Variants in MRM1 observed in about 807,000 individuals in gnomAD.
MRM1 encodes the protein mitochondrial rRNA methyltransferase 1.
A neutral mutation model predicts 25.0 loss-of-function variants in MRM1; 24 were observed. That is an observed-to-expected ratio of 0.96 (90% CI 0.69 to 1.35). The LOEUF (loss-of-function observed/expected upper bound fraction) is 1.35, where lower values mean the gene tolerates loss of function less well. Ranked by LOEUF, MRM1 falls within the 40% of genes most tolerant of loss-of-function variation. MRM1 has a pLI of 0.00. For synonymous variants in MRM1, 188 were observed against 199.2 expected, an observed-to-expected ratio of 0.94 and a Z score of 0.47; for missense variants, 431 against 464.1, an observed-to-expected ratio of 0.93 and a Z score of 0.65.
chr17:36,608,638 G>A lies in MRM1; in HGVS notation c.*223G>A. On this transcript the variant is annotated 3_prime_UTR_variant, in exon 5 of 5. Transcript: ENST00000614766. ...GACATGGTGATTTGTTAATTTCCAT[G>A]GGAAGCCATGATGGCCTAGCATGGA... 2.5e-6 allele frequency: 1 copy of A among 404,830 alleles called. No homozygotes were observed. The highest frequency in any genetic ancestry group is 4.3e-6 in the Non-Finnish European group (1 of 230,442). The allele number at this position is 404,830 out of a possible 1,614,324, so 25.1% of individuals were successfully genotyped here. A position where few individuals can be genotyped will look rare whatever the true frequency, so the allele number is the denominator to read the frequency against.
chr17:36,611,920 T>C (rs2074978800), downstream of MRM1, among the ~76,000 whole-genome samples: 1 of 151,636 alleles, frequency 6.6e-6, no homozygotes. Flanking sequence ...CATCATTGCA[T>C]GAGCCAATGC....
At chr17:36,627,967 C>T in the MRM1 span, among the ~76,000 whole-genome samples, 2 of 152,108 alleles carry the variant, frequency 1.3e-5, no homozygotes, top group Non-Finnish European at 2.9e-5. Context: ...TGAGCCACTG[C>T]GCCCAGCCTG....
the MRM1 span, among the ~76,000 whole-genome samples, chr17:36,619,497 A>T: frequency 6.6e-6 from 1 of 152,022 alleles, no homozygotes; most frequent in Admixed American, 6.6e-5. Flanking sequence ...GCAAAACCCC[A>T]TCTCTACTAA....
the MRM1 span, among the ~76,000 whole-genome samples, chr17:36,631,297 T>C: frequency 6.6e-6 from 1 of 152,224 alleles, no homozygotes. Context: ...AGATAATGCA[T>C]GGGAGCACAG....
rs200073578 is a variant in MRM1 at position 36,602,573 on chromosome 17, T to C, written c.563T>C (p.Val188Ala). Residue 188 changes from valine to alanine, a missense_variant, in exon 2 of 5, where the codon GTC (valine) becomes GCC (alanine). Val to Ala is a moderately conservative substitution (Grantham distance 64, BLOSUM62 0). Coordinates refer to ENST00000614766, the MANE Select transcript of MRM1 (RefSeq NM_024864.5). The surrounding 1 kb of genome is among the most constrained non-coding windows in gnomAD (Gnocchi z 4.1). ...TGCAGCTGCCCGCTCACTCCAGTAG[T>C]CAGCAAGTCCAGCGCGGGGGCTATG... ...RRNSCPLTPV[V>A]SKSSAGAMEV... The C allele has an allele frequency of 6.2e-7, 1 of 1,614,126 alleles. No individual in the cohort carries two copies. The highest frequency in any genetic ancestry group is 2.2e-5 in the East Asian group (1 of 44,872).
At chr17:36,613,477 C>G (rs1254913444), downstream of MRM1, among the ~76,000 whole-genome samples, 1 of 152,212 alleles carries the variant, frequency 6.6e-6, no homozygotes. Context: ...AGGCAGGGGT[C>G]TTCCCTGCAA....
chr17:36,611,433 G>A (rs1253323247), downstream of MRM1, among the ~76,000 whole-genome samples: 2 of 152,144 alleles, frequency 1.3e-5, no homozygotes, highest in Non-Finnish European at 2.9e-5. Context: ...GAGAGTATCG[G>A]TAAAAGATGT....
the MRM1 span, among the ~76,000 whole-genome samples, chr17:36,621,742 G>C: frequency 1.3e-5 from 2 of 152,184 alleles, no homozygotes; most frequent in Non-Finnish European, 2.9e-5. Flanking sequence ...GGGTGTCAGG[G>C]TTGGCAGGTG....
At chr17:36,621,517 T>C in the MRM1 span, among the ~76,000 whole-genome samples, 6 of 152,302 alleles carry the variant, frequency 3.9e-5, no homozygotes, top group Middle Eastern at 3.4e-3. Context: ...CTCTCAGCCC[T>C]GCACCTTGTG....
chr17:36,604,208 G>A (rs1028646824), intron 2 of MRM1, among the ~76,000 whole-genome samples: 7 of 152,076 alleles, frequency 4.6e-5, no homozygotes, highest in Non-Finnish European at 8.8e-5. Context: ...CCCCTCTCAC[G>A]CTCTTGATCT....
In MRM1 at chr17:36,601,689, G is replaced by A; in HGVS notation, c.-122G>A. On this transcript the variant is annotated 5_prime_UTR_variant, in exon 1 of 5. Transcript: ENST00000614766. ...TGTTTGTTCCTGTCCGAGAGAGCTC[G>A]GCGGAGACGGCTGTCGAGTACCCTT... 2.8e-6 allele frequency: 3 copies of A among 1,071,852 alleles called. No individual in the cohort carries two copies. The highest frequency in any genetic ancestry group is 3.9e-6 in the Non-Finnish European group (3 of 770,072). 66.4% of individuals were successfully genotyped at this position (1,071,852 alleles called of 1,614,324 possible).
chr17:36,611,759 G>C (rs2074977800), downstream of MRM1, among the ~76,000 whole-genome samples: 1 of 152,082 alleles, frequency 6.6e-6, no homozygotes, highest in South Asian at 2.1e-4. Context: ...AGCTCTTCCT[G>C]GATCTCAAGC....
the MRM1 span, among the ~76,000 whole-genome samples, chr17:36,615,478 G>A: frequency 2.0e-5 from 3 of 151,834 alleles, no homozygotes; most frequent in African/African-American, 7.3e-5. Context: ...GACCAACATG[G>A]AGAAACCCCA....
At position 36,601,777 on chromosome 17, in the gene MRM1, C is replaced by A; in HGVS notation, c.-34C>A. On this transcript the variant is annotated 5_prime_UTR_variant, in exon 1 of 5. Transcript: ENST00000614766. ...CGGGTTACCGCTCCCGGGGACGCAG[C>A]AAGGGGCATCGAGTCCCTGGCGGGA... The A allele has an allele frequency of 6.6e-7, 1 of 1,515,148 alleles. No individual in the cohort carries two copies. Among genetic ancestry groups the A allele is most frequent in the Non-Finnish European group, 8.8e-7 (1 of 1,135,016 alleles). 93.9% of individuals were successfully genotyped at this position (1,515,148 alleles called of 1,614,324 possible). A position where few individuals can be genotyped will look rare whatever the true frequency, so the allele number is the denominator to read the frequency against.
At position 36,608,357 on chromosome 17, in the gene MRM1, TG is replaced by T. The variant is rs2074950378; in HGVS notation, c.1006del (p.Ala336LeufsTer57). On this transcript the variant is annotated frameshift_variant, in exon 5 of 5. Coordinates refer to ENST00000614766, the MANE Select transcript of MRM1 (RefSeq NM_024864.5). LOFTEE classifies it low-confidence loss of function (END_TRUNC). ...EPSARSEGLS[M>X]AQHPGLSSGP... The stretch of plus-strand genomic sequence containing the variant: ...TCAGCCAGGTCTGAAGGGCTCAGCA[TG>T]GCTCAGCACCCAGGGCTGTCTTCAG... The T allele has an allele frequency of 5.0e-6, 8 of 1,609,884 alleles. No homozygotes were observed. Among genetic ancestry groups the T allele is most frequent in the South Asian group, 1.1e-5 (1 of 90,590 alleles).
intron 2 of MRM1, among the ~76,000 whole-genome samples, chr17:36,604,508 T>G (rs1053431070): frequency 6.6e-6 from 1 of 152,186 alleles, no homozygotes; most frequent in Non-Finnish European, 1.5e-5. Flanking sequence ...TTGTTGTTGT[T>G]GTTAAGAGAT....
the MRM1 span, among the ~76,000 whole-genome samples, chr17:36,615,868 C>T: frequency 4.0e-5 from 6 of 151,836 alleles, no homozygotes; most frequent in African/African-American, 1.5e-4. Flanking sequence ...TGGTGCATTC[C>T]TGTAATCCCA....
rs1254259940 is a variant in MRM1 at position 36,602,371 on chromosome 17, C to T, written c.542+19C>T. ...GAAACAGGCACGGACGTCCCTCATT[C>T]TCTATGTGCCCCAACTTGGAGACGC... On this transcript the variant is annotated intron_variant, in intron 1 of 4. Coordinates refer to ENST00000614766, the MANE Select transcript of MRM1 (RefSeq NM_024864.5). The surrounding 1 kb of genome is among the most constrained non-coding windows in gnomAD (Gnocchi z 4.1). The T allele has an allele frequency of 6.4e-7, 1 of 1,551,260 alleles. No homozygotes were observed. Among genetic ancestry groups the T allele is most frequent in the Non-Finnish European group, 8.7e-7 (1 of 1,146,210 alleles).
chr17:36,616,042 C>T, the MRM1 span, among the ~76,000 whole-genome samples: 6,223 of 152,150 alleles, frequency 0.041, 165 homozygotes, highest in African/African-American at 0.064. Context: ...TCTTGCAGGC[C>T]GCCTGCTCCC....
Sources: allele counts gnomAD v4.1 joint callset (sites outside exome capture counted in the v4.1 genomes callset), GRCh38; gene constraint gnomAD v4.1.1; non-coding constraint Gnocchi (gnomAD v3.1); transcripts MANE v1.5; gene names NCBI Gene and HGNC (gene_info 2026-07-23, HGNC 2026-07-21).